Variants in CCNY observed in about 807,000 individuals in gnomAD.
The protein encoded by CCNY is cyclin-Y.
A neutral mutation model predicts 42.8 loss-of-function variants in CCNY; 19 were observed. The observed-to-expected ratio is 0.44, with a 90% confidence interval of 0.31 to 0.65. CCNY has a LOEUF of 0.65. CCNY is among the 30% of genes least tolerant of loss of function. CCNY has a pLI of 0.07. For missense variants in CCNY, 370 were observed against 437.3 expected, an observed-to-expected ratio of 0.85 and a Z score of 1.37; for synonymous variants, 165 against 162.7, an observed-to-expected ratio of 1.01 and a Z score of -0.11.
intron 1 of CCNY, among the ~76,000 whole-genome samples, chr10:35,343,380 G>GTTT (rs1235044377): frequency 9.0e-6 from 1 of 111,582 alleles, no homozygotes; most frequent in East Asian, 2.7e-4. Context: ...AAAGCTGATG[G>GTTT]TCTTTTTTTT....
chr10:35,538,270 A>T (rs903020642), intron 7 of CCNY, among the ~76,000 whole-genome samples: 2 of 152,194 alleles, frequency 1.3e-5, no homozygotes, highest in Non-Finnish European at 2.9e-5. Context: ...TTTCAGCAGC[A>T]TGAAAATGGA....
chr10:35,298,853 AGTTT>A (rs1164525237), intron 3 of CCNY, among the ~76,000 whole-genome samples: 1 of 152,144 alleles, frequency 6.6e-6, no homozygotes, highest in Non-Finnish European at 1.5e-5. Flanking sequence ...AACTGTAGTT[AGTTT>A]ATCAAGTTAT....
At position 35,569,235 on chromosome 10, in the gene CCNY, C is replaced by G. The variant is rs1249803646; in HGVS notation, c.*65C>G. 2.0e-6 allele frequency: 2 copies of G among 1,012,234 alleles called. No homozygotes were observed. Among genetic ancestry groups the G allele is most frequent in the East Asian group, 2.4e-5 (1 of 42,170 alleles). 62.7% of individuals were successfully genotyped at this position (1,012,234 alleles called of 1,614,324 possible). Reference sequence around the variant, plus strand: ...CTCCTTTAGTTTGAGAAAAGACAGACTTGGGGTGGGTTTGTTTTTGTTTTT... The same window carrying G: ...CTCCTTTAGTTTGAGAAAAGACAGAGTTGGGGTGGGTTTGTTTTTGTTTTT... On this transcript the variant is annotated 3_prime_UTR_variant, in exon 10 of 10. Coordinates refer to ENST00000374704, the MANE Select transcript of CCNY (RefSeq NM_145012.6).
chr10:35,455,158 CA>C (rs1279444604), intron 1 of CCNY, among the ~76,000 whole-genome samples: 5 of 152,146 alleles, frequency 3.3e-5, no homozygotes, highest in Non-Finnish European at 7.3e-5. Context: ...ATCATGCCAA[CA>C]AGTAGCATTT....
At chr10:35,568,653 G>A (rs554902482) in intron 9 of CCNY, among the ~76,000 whole-genome samples, 3 of 152,334 alleles carry the variant, frequency 2.0e-5, no homozygotes, top group Admixed American at 1.3e-4. Context: ...CTCCAAGCCC[G>A]TGCTTCATGC....
intron 3 of CCNY, among the ~76,000 whole-genome samples, chr10:35,278,431 G>A (rs1835263357): frequency 6.6e-6 from 1 of 152,030 alleles, no homozygotes; most frequent in Non-Finnish European, 1.5e-5. Context: ...ACTAGTGATG[G>A]GGTCCCTACT....
intron 1 of CCNY, among the ~76,000 whole-genome samples, chr10:35,342,190 C>CT (rs1246602457): frequency 6.6e-6 from 1 of 152,196 alleles, no homozygotes; most frequent in Non-Finnish European, 1.5e-5. Flanking sequence ...AATTTGAAAT[C>CT]TAAGTGCCTG....
At chr10:35,404,306 GA>G (rs1303307688) in intron 1 of CCNY, among the ~76,000 whole-genome samples, 5 of 152,198 alleles carry the variant, frequency 3.3e-5, no homozygotes, top group Non-Finnish European at 7.3e-5. Flanking sequence ...TCTTGTGTAA[GA>G]ATTCTGACCA....
At chr10:35,550,356 A>G (rs1183752581) in intron 7 of CCNY, among the ~76,000 whole-genome samples, 2 of 152,146 alleles carry the variant, frequency 1.3e-5, no homozygotes, top group African/African-American at 4.8e-5. Context: ...CTTATGGCTC[A>G]TGACCTTACA....
chr10:35,336,702 G>T lies in CCNY; in HGVS notation c.-352G>T, dbSNP rs1276422446. ...AAGCGGACACCAACTGGGGAAGCGC[G>T]GGGGGGAGGCGGCCTGCGCGGCGCC... On this transcript the variant is annotated 5_prime_UTR_variant, in exon 1 of 10. Coordinates refer to ENST00000374704, the MANE Select transcript of CCNY (RefSeq NM_145012.6). 4.8e-5 allele frequency among the ~76,000 whole-genome samples: 7 copies of T among 146,894 alleles called. No individual in the cohort carries two copies. The South Asian group carries it at 1.5e-3, about 31-fold the overall frequency.
chr10:35,287,680 C>T (rs1260376385), intron 3 of CCNY, among the ~76,000 whole-genome samples: 3 of 152,046 alleles, frequency 2.0e-5, no homozygotes, highest in African/African-American at 4.8e-5. Context: ...TCTTTTTTTA[C>T]TGACTCCTAT....
At chr10:35,547,297 T>C (rs1327074318) in intron 7 of CCNY, among the ~76,000 whole-genome samples, 10 of 152,206 alleles carry the variant, frequency 6.6e-5, no homozygotes. Flanking sequence ...CAAAAATTGA[T>C]AAGGTTATTC....
rs137882142 is a variant in CCNY, at chr10:35,356,614, A to G, written c.154+19407A>G. Among the ~76,000 whole-genome samples, 283 of 152,162 alleles carry G rather than the reference A, an allele frequency of 1.9e-3. 1 individual carries two copies. The highest frequency in any genetic ancestry group is 6.4e-3 in the African/African-American group (267 of 41,508). On this transcript the variant is annotated intron_variant, in intron 1 of 9. Transcript: ENST00000374704. ...TCTGCGCCCACTCCTTAACCTCTTC[A>G]TGTTTTACTCATACTCTGCTATTGT...
intron 1 of CCNY, among the ~76,000 whole-genome samples, chr10:35,391,565 C>T (rs1371187609): frequency 6.6e-6 from 1 of 152,140 alleles, no homozygotes; most frequent in Admixed American, 6.5e-5. Context: ...AATGGAGAAT[C>T]AAAGAATAAG....
intron 1 of CCNY, among the ~76,000 whole-genome samples, chr10:35,344,900 T>C (rs1836265971): frequency 6.6e-6 from 1 of 152,238 alleles, no homozygotes; most frequent in African/African-American, 2.4e-5. Context: ...ACAAAGGACA[T>C]GAACTCATCA....
chr10:35,378,519 G>A (rs936054164), intron 1 of CCNY, among the ~76,000 whole-genome samples: 5 of 152,198 alleles, frequency 3.3e-5, no homozygotes, highest in African/African-American at 1.2e-4. Flanking sequence ...AGCCCTCGGT[G>A]GTTGCTTTTT....
chr10:35,295,859 CA>C (rs1209901654), intron 3 of CCNY, among the ~76,000 whole-genome samples: 3 of 152,146 alleles, frequency 2.0e-5, no homozygotes, highest in Non-Finnish European at 4.4e-5. Flanking sequence ...ACTGTATATA[CA>C]AACTACATTT....
intron 1 of CCNY, among the ~76,000 whole-genome samples, chr10:35,382,506 G>T (rs1007990595): frequency 1.3e-5 from 2 of 152,138 alleles, no homozygotes; most frequent in Non-Finnish European, 2.9e-5. Flanking sequence ...CATTGATTTT[G>T]CCCCCAGGGC....
intron 1 of CCNY, among the ~76,000 whole-genome samples, chr10:35,349,833 C>T (rs777110040): frequency 2.6e-5 from 4 of 152,208 alleles, no homozygotes; most frequent in Admixed American, 6.5e-5. Context: ...GAAATCTCCC[C>T]TGAGAGGGCA....
Sources: gnomAD v4.1 joint callset for allele counts (sites outside exome capture counted in the v4.1 genomes callset) on GRCh38, gnomAD v4.1.1 for gene constraint, MANE v1.5 for transcripts, NCBI Gene and HGNC (gene_info 2026-07-23, HGNC 2026-07-21) for gene names.